HIPK2: variants seen among roughly 807,000 people sequenced by gnomAD.
The protein encoded by HIPK2 is homeodomain interacting protein kinase 2, also known as homeodomain-interacting protein kinase 2.
A neutral mutation model predicts 113.7 loss-of-function variants in HIPK2; 27 were observed. The ratio of observed to expected loss-of-function variants is 0.24; its 90% confidence interval spans 0.17 to 0.33. The LOEUF (loss-of-function observed/expected upper bound fraction) is 0.33. Among genes scored for constraint, HIPK2 ranks in the 10% least tolerant of loss-of-function variants. The pLI is 1.00. For synonymous variants in HIPK2, 631 were observed against 642.2 expected, an observed-to-expected ratio of 0.98 and a Z score of 0.26; for missense variants, 1,257 against 1,588.0, an observed-to-expected ratio of 0.79 and a Z score of 3.54.
Position 139,573,305 on chromosome 7 carries a change from G to T in HIPK2, c.3219C>A (p.Phe1073Leu). 6.2e-7 allele frequency: 1 copy of T among 1,605,200 alleles called. No homozygotes were observed. The highest frequency in any genetic ancestry group is 8.5e-7 in the Non-Finnish European group (1 of 1,179,824). Reference sequence around the variant, plus strand: ...TGCCGTGGCTGGGGCTGTTGTGCGGGAAGGAGTACGGAGCCTGGGCCATGG... The same window carrying T: ...TGCCGTGGCTGGGGCTGTTGTGCGGTAAGGAGTACGGAGCCTGGGCCATGG... ...TPTMAQAPYSFPHNSPSHGTV... is the reference protein window; with the variant it reads ...TPTMAQAPYSLPHNSPSHGTV... Residue 1073 changes from phenylalanine to leucine, a missense_variant, in exon 15 of 15, where the codon TTC becomes TTA. By Grantham distance (22) the Phe-to-Leu change is conservative. Transcript: ENST00000406875.
chr7:139,575,083 G>T, intron 14 of HIPK2, 45 bp downstream of exon 14: 1 of 1,545,902 alleles, frequency 6.5e-7, no homozygotes, highest in Non-Finnish European at 8.7e-7. Flanking sequence ...AAGGATGAGG[G>T]GATGGGGGCC....
Position 139,564,077 on chromosome 7 carries a change from G to T in HIPK2, c.*8850C>A. ...TGCCCCTCTGTCTCTGCCTCCTCCT[G>T]CTCAGCCCTGACCATCTCTGAGAGG... On this transcript the variant is annotated 3_prime_UTR_variant, in exon 15 of 15. Coordinates refer to ENST00000406875, the MANE Select transcript of HIPK2 (RefSeq NM_022740.5). The T allele has an allele frequency of 2.5e-6, 1 of 397,584 alleles. No individual in the cohort carries two copies. The highest frequency in any genetic ancestry group is 4.4e-6 in the Non-Finnish European group (1 of 225,952). 24.6% of individuals were successfully genotyped at this position (397,584 alleles called of 1,614,324 possible).
At chr7:139,634,662 T>C (rs1800743065) in intron 2 of HIPK2, among the ~76,000 whole-genome samples, 1 of 149,812 alleles carries the variant, frequency 6.7e-6, no homozygotes, top group Non-Finnish European at 1.5e-5. Flanking sequence ...AAGAAGGGAC[T>C]ATCTGTTTCA....
intron 2 of HIPK2, among the ~76,000 whole-genome samples, chr7:139,677,630 G>C (rs1189668841): frequency 6.6e-6 from 1 of 152,086 alleles, no homozygotes; most frequent in Non-Finnish European, 1.5e-5. Context: ...GAACGTGCAG[G>C]TTTGGTACAT....
intron 1 of HIPK2, among the ~76,000 whole-genome samples, chr7:139,741,059 A>G (rs1424281644): frequency 6.6e-6 from 1 of 152,186 alleles, no homozygotes; most frequent in Non-Finnish European, 1.5e-5. Context: ...AGGCAGGAGA[A>G]CTGCTTGAAC....
chr7:139,600,311 C>A, intron 11 of HIPK2, 106 bp downstream of exon 11: 5 of 1,290,736 alleles, frequency 3.9e-6, no homozygotes, highest in Non-Finnish European at 5.3e-6. Flanking sequence ...CCATCCCATG[C>A]AACTGTCCCA....
intron 1 of HIPK2, among the ~76,000 whole-genome samples, chr7:139,743,881 T>G (rs1363675241): frequency 6.6e-6 from 1 of 152,204 alleles, no homozygotes; most frequent in African/African-American, 2.4e-5. Flanking sequence ...GTATGCCTAT[T>G]TAAAAGCCAG....
At chr7:139,761,080 T>A (rs1796455447) in intron 1 of HIPK2, among the ~76,000 whole-genome samples, 1 of 152,138 alleles carries the variant, frequency 6.6e-6, no homozygotes, top group South Asian at 2.1e-4. Flanking sequence ...CTACGTGAAG[T>A]GGTTATTAAA....
intron 12 of HIPK2, among the ~76,000 whole-genome samples, chr7:139,594,333 C>T (rs917639896): frequency 6.6e-5 from 10 of 152,206 alleles, no homozygotes; most frequent in African/African-American, 2.4e-4. Flanking sequence ...AACTGTCTAC[C>T]TTATTTATGT....
At chr7:139,734,430 C>T (rs1432175830) in intron 1 of HIPK2, among the ~76,000 whole-genome samples, 1 of 152,212 alleles carries the variant, frequency 6.6e-6, no homozygotes, top group Non-Finnish European at 1.5e-5. Context: ...AGATGCCCTA[C>T]AGGAGTCTGG....
At chr7:139,688,219 G>A (rs773496726) in intron 2 of HIPK2, among the ~76,000 whole-genome samples, 8 of 152,122 alleles carry the variant, frequency 5.3e-5, no homozygotes, top group Non-Finnish European at 1.0e-4. Context: ...CTCCTCTTTC[G>A]TGACCACGTG....
rs966966045 is a variant in HIPK2, at chr7:139,577,140, CTTTTTTTTTTTT to C, written c.2966-1864_2966-1853del. Among the ~76,000 whole-genome samples the C allele has an allele frequency of 3.7e-4, 34 of 91,462 alleles. 1 individual carries two copies. Among genetic ancestry groups the C allele is most frequent in the African/African-American group, 9.4e-4 (22 of 23,354 alleles). 60.0% of individuals were successfully genotyped at this position (91,462 alleles called of 152,430 possible). A position where few individuals can be genotyped will look rare whatever the true frequency, so the allele number is the denominator to read the frequency against. ...GACTAGTGAGAAGATACTGGGCTTC[CTTTTTTTTTTTT>C]TTTTTTTTTTTTTGAGATGGAGTTT... On this transcript the variant is annotated intron_variant, in intron 13 of 14. Coordinates refer to ENST00000406875, the MANE Select transcript of HIPK2 (RefSeq NM_022740.5).
At chr7:139,768,215 C>G (rs1796584702) in intron 1 of HIPK2, among the ~76,000 whole-genome samples, 1 of 152,244 alleles carries the variant, frequency 6.6e-6, no homozygotes. Flanking sequence ...AGGGCAAGCT[C>G]ACTCCCTAGT....
rs1802437074 is a variant in HIPK2, at chr7:139,674,751, T to C, written c.1103+41181A>G. On this transcript the variant is annotated intron_variant, in intron 2 of 14. Coordinates refer to ENST00000406875, the MANE Select transcript of HIPK2 (RefSeq NM_022740.5). ...CTTCATTAAGTAGGAGATTCTCTCT[T>C]GGTTTAGGTCATTAATGAATATTAC... Among the ~76,000 whole-genome samples, 3 of 152,380 alleles carry C rather than the reference T, an allele frequency of 2.0e-5. No homozygotes were observed. In the East Asian group the frequency reaches 5.8e-4, roughly 29 times the overall value.
At chr7:139,666,460 G>C (rs999203089) in intron 2 of HIPK2, among the ~76,000 whole-genome samples, 1 of 152,162 alleles carries the variant, frequency 6.6e-6, no homozygotes, top group Non-Finnish European at 1.5e-5. Flanking sequence ...GTCAGTTTAT[G>C]TACTGGCAAA....
At chr7:139,660,756 T>C (rs975715529) in intron 2 of HIPK2, among the ~76,000 whole-genome samples, 1 of 152,178 alleles carries the variant, frequency 6.6e-6, no homozygotes, top group Non-Finnish European at 1.5e-5. Context: ...CCAGTCTAGA[T>C]ACGTAACAAG....
rs914042990 is a variant in HIPK2 at position 139,735,135 on chromosome 7, A to G, written c.20-18120T>C. On this transcript the variant is annotated intron_variant, in intron 1 of 14. Coordinates refer to ENST00000406875, the MANE Select transcript of HIPK2 (RefSeq NM_022740.5). ...GGGAATATTTGATTCTAGATATCCC[A>G]TGCAGGTTCTTTAAGAGAAGTATCC... Among the ~76,000 whole-genome samples, 12 of 152,240 alleles carry G rather than the reference A, an allele frequency of 7.9e-5. No homozygotes were observed. In the South Asian group the frequency reaches 1.2e-3, roughly 16 times the overall value.
Position 139,577,584 on chromosome 7 carries a change from C to T in HIPK2, c.2966-2296G>A, listed in dbSNP as rs75093096. Among the ~76,000 whole-genome samples the T allele has an allele frequency of 2.4e-4, 36 of 152,282 alleles. No homozygotes were observed. The South Asian group carries it at 3.5e-3, about 15-fold the overall frequency. On this transcript the variant is annotated intron_variant, in intron 13 of 14. Coordinates refer to ENST00000406875, the MANE Select transcript of HIPK2 (RefSeq NM_022740.5). Reference sequence around the variant, plus strand: ...AGAGGGGTTTAGTAAGTGAAGGCTACGACAAAGCAGCCTGAAGACTGTGTG... The same window carrying T: ...AGAGGGGTTTAGTAAGTGAAGGCTATGACAAAGCAGCCTGAAGACTGTGTG...
At chr7:139,745,468 A>G (rs1796174322) in intron 1 of HIPK2, among the ~76,000 whole-genome samples, 1 of 152,210 alleles carries the variant, frequency 6.6e-6, no homozygotes, top group South Asian at 2.1e-4. Context: ...AAGGAAGCTG[A>G]AGCCGGATTA....
Sources: gnomAD v4.1 joint callset for allele counts (sites outside exome capture counted in the v4.1 genomes callset) on GRCh38, gnomAD v4.1.1 for gene constraint, MANE v1.5 for transcripts, NCBI Gene and HGNC (gene_info 2026-07-23, HGNC 2026-07-21) for gene names.